HEATR5B: variants seen among roughly 807,000 people sequenced by gnomAD.
HEATR5B encodes the protein HEAT repeat containing 5B.
A neutral mutation model predicts 224.1 loss-of-function variants in HEATR5B; 156 were observed. The ratio of observed to expected loss-of-function variants is 0.70; its 90% CI spans 0.61 to 0.80. HEATR5B has a LOEUF of 0.80. Ranked by LOEUF, HEATR5B falls within the 30% of genes least tolerant of loss-of-function variation. The pLI, the probability that HEATR5B is intolerant of heterozygous loss-of-function variation, is 0.00. For missense variants in HEATR5B, 2,323 were observed against 2,535.5 expected, an observed-to-expected ratio of 0.92 and a Z score of 1.80; for synonymous variants, 1,027 against 893.0, an observed-to-expected ratio of 1.15 and a Z score of -2.68.
chr2:37,072,344 C>T, intron 5 of HEATR5B, 63 bp from the exon 6 acceptor site: 1 of 1,215,390 alleles, frequency 8.2e-7, no homozygotes, highest in Non-Finnish European at 1.2e-6. Context: ...GATGGAATAG[C>T]AAGAACCAGA....
chr2:36,998,722 A>G (rs1288730431), intron 33 of HEATR5B, among the ~76,000 whole-genome samples: 2 of 152,320 alleles, frequency 1.3e-5, no homozygotes, highest in East Asian at 1.9e-4. Flanking sequence ...ATATATTCAC[A>G]TTAACAGATG....
intron 27 of HEATR5B, among the ~76,000 whole-genome samples, chr2:37,011,341 T>C (rs1231140969): frequency 6.6e-6 from 1 of 152,212 alleles, no homozygotes; most frequent in Admixed American, 6.5e-5. Context: ...ATTTCTCATA[T>C]AGACGGAGCA....
intron 33 of HEATR5B, among the ~76,000 whole-genome samples, chr2:36,995,071 C>T (rs963463724): frequency 1.8e-4 from 25 of 138,924 alleles, no homozygotes; most frequent in African/African-American, 6.0e-4. Context: ...ACGATTTCTT[C>T]GTCTTGTTAT....
intron 12 of HEATR5B, 75 bp from the exon 13 acceptor site, chr2:37,059,062 T>C (rs1463006471): frequency 1.1e-6 from 1 of 903,008 alleles, no homozygotes; most frequent in Non-Finnish European, 1.7e-6. Context: ...ATTGTATAAA[T>C]ATAAAGGCAG....
intron 26 of HEATR5B, among the ~76,000 whole-genome samples, chr2:37,017,886 A>C (rs1416937554): frequency 2.0e-5 from 3 of 152,130 alleles, no homozygotes; most frequent in Non-Finnish European, 2.9e-5. Flanking sequence ...TTAAGTACGC[A>C]TTATGTTCAT....
rs375864819 is a variant in HEATR5B at position 37,056,662 on chromosome 2, T to C, written c.2224-47A>G. The C allele has an allele frequency of 2.4e-5, 36 of 1,491,948 alleles. No homozygotes were observed. The African/African-American group carries it at 3.8e-4, about 16-fold the overall frequency. 92.4% of individuals were successfully genotyped at this position (1,491,948 alleles called of 1,614,324 possible). ...ATTATTCAAAATCTACTTTAGGAAA[T>C]CTACTTATTAAACATTGGGAATGAG... On this transcript the variant is annotated intron_variant, in intron 15 of 35. Transcript: ENST00000233099.
At chr2:37,049,092 T>C (rs1670377221) in intron 18 of HEATR5B, among the ~76,000 whole-genome samples, 1 of 152,200 alleles carries the variant, frequency 6.6e-6, no homozygotes, top group African/African-American at 2.4e-5. Flanking sequence ...CTGCAACTCA[T>C]CATCTTAATG....
intron 35 of HEATR5B, 107 bp downstream of exon 35, chr2:36,988,539 A>G: frequency 1.1e-6 from 1 of 921,482 alleles, no homozygotes; most frequent in South Asian, 1.8e-5. Flanking sequence ...GGACTCCCAA[A>G]GTGTAAGCCA....
In HEATR5B at chr2:37,057,313, T is replaced by C. The variant is rs368006625; in HGVS notation, c.2223+4A>G. 1.0e-4 allele frequency: 159 copies of C among 1,593,726 alleles called. No homozygotes were observed. Among genetic ancestry groups the C allele is most frequent in the Non-Finnish European group, 1.3e-4 (154 of 1,171,406 alleles). On this transcript the variant is annotated splice_donor_region_variant and intron_variant, in intron 15 of 35. Transcript: ENST00000233099. ...AGTATTTCATTTTCCTCTATGTTTA[T>C]TACCTGGTCTTCAATTGATTTATGA... is the stretch of plus-strand genomic sequence containing the variant.
intron 35 of HEATR5B, among the ~76,000 whole-genome samples, chr2:36,983,787 A>T (rs1483902652): frequency 6.6e-6 from 1 of 152,054 alleles, no homozygotes; most frequent in Non-Finnish European, 1.5e-5. Flanking sequence ...AAAGTAGAGA[A>T]TTATAAAATA....
chr2:37,031,451 T>A (rs1469222232), intron 22 of HEATR5B, among the ~76,000 whole-genome samples: 2 of 148,282 alleles, frequency 1.3e-5, no homozygotes, highest in Non-Finnish European at 3.0e-5. Flanking sequence ...TTTTTTTTTT[T>A]AAAGAGACAG....
rs141463798 is a variant in HEATR5B, at chr2:37,019,875, C to T, written c.4038G>A (p.Val1346=). The change falls in exon 26 of 36, where the codon GTG becomes GTA. Residue 1346 remains valine, a splice_region_variant and synonymous_variant. Coordinates refer to ENST00000233099, the MANE Select transcript of HEATR5B (RefSeq NM_019024.3). ...AAAAGGCTGGTCTTAGAGCAGCTCC[C>T]ACCTAGAAAAATAAATAAAGCATTT... ...HVILEQYQAN[V]GAALRPAFSQ... is the part of the protein sequence containing the mutation. 39 of 1,595,446 alleles carry T rather than the reference C, an allele frequency of 2.4e-5. No individual in the cohort carries two copies. The Admixed American group carries it at 3.2e-4, about 13-fold the overall frequency.
intron 17 of HEATR5B, 74 bp from the exon 18 acceptor site, chr2:37,049,917 G>T: frequency 1.5e-6 from 2 of 1,374,460 alleles, no homozygotes; most frequent in Non-Finnish European, 9.5e-7. Context: ...TTAAGGCAAG[G>T]TCTTGCTCCC....
chr2:36,988,271 CTTTTT>C (rs1304666993), intron 35 of HEATR5B, among the ~76,000 whole-genome samples: 1 of 146,870 alleles, frequency 6.8e-6, no homozygotes, highest in African/African-American at 2.5e-5. Flanking sequence ...TTTTTCTTTT[CTTTTT>C]TTTTTGAGAT....
intron 34 of HEATR5B, 50 bp downstream of exon 34, chr2:36,990,598 C>T: frequency 7.0e-7 from 1 of 1,435,460 alleles, no homozygotes; most frequent in Middle Eastern, 1.9e-4. Flanking sequence ...CTGACATTTT[C>T]CTGATAAAGG....
Position 37,037,919 on chromosome 2 carries a change from A to G in HEATR5B, c.3152T>C (p.Leu1051Pro). The change falls in exon 21 of 36, where the codon CTT (leucine) becomes CCT (proline). Residue 1051 changes from leucine (L) to proline (P), a missense_variant. Around this residue, in one of 12 missense-constraint regions of HEATR5B, gnomAD observed 88 missense variants for 86.8 expected, o/e 1.01. Transcript: ENST00000233099. Reference protein sequence around the residue: ...SLVQAAAISCLQQLHMFAPRH... With the variant: ...SLVQAAAISCPQQLHMFAPRH... ...TGGTGCAAACATGTGAAGCTGCTGA[A>G]GGCAAGATATGGCAGCTGCCTGAAC... The G allele has an allele frequency of 6.2e-7, 1 of 1,601,096 alleles. No homozygotes were observed. The highest frequency in any genetic ancestry group is 1.7e-4 in the Middle Eastern group (1 of 6,006).
intron 17 of HEATR5B, among the ~76,000 whole-genome samples, chr2:37,052,234 C>T (rs148210250): frequency 6.6e-5 from 10 of 152,258 alleles, no homozygotes; most frequent in African/African-American, 2.2e-4. Context: ...GTATGATGCG[C>T]GAATCCTGTG....
Position 37,079,245 on chromosome 2 carries a change from T to A in HEATR5B, c.213A>T (p.Leu71Phe), listed in dbSNP as rs1361082504. 6.2e-7 allele frequency: 1 copy of A among 1,611,672 alleles called. No individual in the cohort carries two copies. The highest frequency in any genetic ancestry group is 8.5e-7 in the Non-Finnish European group (1 of 1,177,958). The change falls in exon 3 of 36, where the codon TTA becomes TTT. Residue 71 changes from leucine to phenylalanine, a missense_variant. Coordinates refer to ENST00000233099, the MANE Select transcript of HEATR5B (RefSeq NM_019024.3). ...AAAGGGCTGCGAGATTTTTAGCTAA[T>A]AATTTTCGTGTAGGTGGTCCAGGTG... The part of the protein sequence containing the change: ...SSSPGPPTRK[L>F]LAKNLAALYS...
chr2:37,079,370 ATTTT>A (rs576476716), intron 2 of HEATR5B, 39 bp from the exon 3 acceptor site: 3 of 1,196,760 alleles, frequency 2.5e-6, no homozygotes, highest in South Asian at 1.4e-5. Context: ...ATCATTAAAA[ATTTT>A]TTTTGTTACC....
Sources: allele counts gnomAD v4.1 joint callset (sites outside exome capture counted in the v4.1 genomes callset), GRCh38; gene constraint gnomAD v4.1.1; regional missense constraint gnomAD v4.1.1; transcripts MANE v1.5; gene names NCBI Gene and HGNC (gene_info 2026-07-23, HGNC 2026-07-21).